PJA2: variants seen among roughly 807,000 people sequenced by gnomAD.
PJA2 encodes E3 ubiquitin-protein ligase Praja-2.
In PJA2, 25 loss-of-function variants were observed where a neutral mutation model predicts 69.3. The observed-to-expected ratio is 0.36, with a 90% CI of 0.26 to 0.50. PJA2 has a LOEUF of 0.50. Ranked by LOEUF, PJA2 falls within the 20% of genes least tolerant of loss-of-function variation. The pLI, the probability that PJA2 is intolerant of heterozygous loss-of-function variation, is 0.96. For missense variants in PJA2, 809 were observed against 830.2 expected (o/e 0.97, Z 0.31); for synonymous variants, 308 against 277.8 (o/e 1.11, Z -1.08).
At chr5:109,376,576 T>C (rs1582611363) in intron 4 of PJA2, among the ~76,000 whole-genome samples, 1 of 151,698 alleles carries the variant, frequency 6.6e-6, no homozygotes, top group South Asian at 2.1e-4. Context: ...TTGCCCAAAA[T>C]GACAAAGGTA....
At chr5:109,367,924 G>A (rs931374429) in intron 5 of PJA2, among the ~76,000 whole-genome samples, 14 of 152,104 alleles carry the variant, frequency 9.2e-5, no homozygotes, top group African/African-American at 3.1e-4. Context: ...ATAGTAAAAG[G>A]TTGGAAGACA....
At chr5:109,353,284 CATCT>C (rs1762303318) in intron 7 of PJA2, among the ~76,000 whole-genome samples, 1 of 130,290 alleles carries the variant, frequency 7.7e-6, no homozygotes, top group African/African-American at 2.7e-5. Flanking sequence ...ATATCATAGA[CATCT>C]ATATATTAGA....
chr5:109,345,583 G>A (rs1762161371), intron 7 of PJA2, among the ~76,000 whole-genome samples: 1 of 151,440 alleles, frequency 6.6e-6, no homozygotes, highest in African/African-American at 2.4e-5. Flanking sequence ...TATTTTGAAG[G>A]AGTGGTTACT....
intron 1 of PJA2, among the ~76,000 whole-genome samples, chr5:109,403,251 T>C (rs1747601693): frequency 1.3e-5 from 2 of 152,032 alleles, no homozygotes; most frequent in South Asian, 4.1e-4. Context: ...ACAAATGCCT[T>C]GAAAGACAAA....
In PJA2 at chr5:109,337,373, T is replaced by C. The variant is rs376985753; in HGVS notation, c.2002-17A>G. The C allele has an allele frequency of 6.4e-7, 1 of 1,566,978 alleles. No individual in the cohort carries two copies. ...TGTTCCCGACTGGAGAAAAAAAAAA[T>C]GTTAAGAGCCACCAGAATCATCTTA... On this transcript the variant is annotated splice_polypyrimidine_tract_variant and intron_variant, in intron 9 of 9. Coordinates refer to ENST00000361189, the MANE Select transcript of PJA2 (RefSeq NM_014819.5).
chr5:109,386,290 CA>C (rs1476576314), intron 1 of PJA2, among the ~76,000 whole-genome samples: 2 of 152,000 alleles, frequency 1.3e-5, no homozygotes, highest in Non-Finnish European at 2.9e-5. Context: ...CTGATCGTGC[CA>C]AAAGTTAAAG....
chr5:109,357,494 T>C (rs1370957722), intron 6 of PJA2, among the ~76,000 whole-genome samples: 2 of 152,218 alleles, frequency 1.3e-5, no homozygotes, highest in Non-Finnish European at 2.9e-5. Flanking sequence ...TAAGAATTAC[T>C]GAATCCATCC....
rs1035868924 is a variant in PJA2 at position 109,340,153 on chromosome 5, T to C, written c.2002-2797A>G. Among the ~76,000 whole-genome samples the C allele has an allele frequency of 2.6e-5, 4 of 152,364 alleles. No individual in the cohort carries two copies. In the East Asian group the frequency reaches 7.7e-4, roughly 29 times the overall value. On this transcript the variant is annotated intron_variant, in intron 9 of 9. Coordinates refer to ENST00000361189, the MANE Select transcript of PJA2 (RefSeq NM_014819.5). ...CCATAAGTTTTTATTTGTGATTTTG[T>C]TGTTAATAAAATAAAAACACCTCTA...
chr5:109,354,375 ATAGAT>A (rs1400423055), intron 7 of PJA2, among the ~76,000 whole-genome samples: 2 of 139,072 alleles, frequency 1.4e-5, no homozygotes, highest in Admixed American at 7.0e-5. Context: ...AGAGATATCT[ATAGAT>A]TAGATATCTC....
At chr5:109,393,797 A>G (rs1485464780) in intron 1 of PJA2, among the ~76,000 whole-genome samples, 1 of 152,236 alleles carries the variant, frequency 6.6e-6, no homozygotes, top group Admixed American at 6.5e-5. Context: ...TACCCACAAC[A>G]GGAGTATTAC....
chr5:109,357,700 T>C (rs1762435534), intron 6 of PJA2, among the ~76,000 whole-genome samples: 1 of 152,230 alleles, frequency 6.6e-6, no homozygotes, highest in Non-Finnish European at 1.5e-5. Context: ...AATACACTGC[T>C]TTCTAAGGTG....
At chr5:109,352,956 CTA>C (rs1283258841) in intron 7 of PJA2, among the ~76,000 whole-genome samples, 1 of 79,682 alleles carries the variant, frequency 1.3e-5, no homozygotes, top group Non-Finnish European at 2.6e-5. Flanking sequence ...CCTATTATAT[CTA>C]TAGACATCTA....
intron 9 of PJA2, among the ~76,000 whole-genome samples, chr5:109,338,532 C>T (rs1455454055): frequency 2.0e-5 from 3 of 147,504 alleles, no homozygotes; most frequent in East Asian, 2.0e-4. Context: ...CCCAGCTACT[C>T]GGGAGGCTGA....
chr5:109,408,416 G>C (rs1582637461), intron 1 of PJA2, among the ~76,000 whole-genome samples: 1 of 152,150 alleles, frequency 6.6e-6, no homozygotes, highest in Admixed American at 6.5e-5. Context: ...CGAGATACCA[G>C]TTAGCCTTTT....
chr5:109,347,790 T>A (rs75283639), intron 7 of PJA2, among the ~76,000 whole-genome samples: 4,640 of 152,356 alleles, frequency 0.03, 93 homozygotes, highest in Middle Eastern at 0.048. Flanking sequence ...AATCTGCTAA[T>A]CCTATATTCT....
intron 4 of PJA2, among the ~76,000 whole-genome samples, chr5:109,374,484 A>G (rs1301083446): frequency 6.6e-6 from 1 of 151,638 alleles, no homozygotes. Context: ...TCACAATAAT[A>G]AATACGTATA....
chr5:109,354,424 A>C lies in PJA2; in HGVS notation c.1764+1491T>G, dbSNP rs566502933. The stretch of plus-strand genomic sequence containing the variant: ...AGAGATATCTATAGATTAGATATCT[A>C]TGATATCTAGAGATGTCTATAGATT... On this transcript the variant is annotated intron_variant, in intron 7 of 9. Coordinates refer to ENST00000361189, the MANE Select transcript of PJA2 (RefSeq NM_014819.5). Among the ~76,000 whole-genome samples the C allele has an allele frequency of 1.5e-4, 21 of 140,528 alleles. 1 individual carries two copies. The highest frequency in any genetic ancestry group is 1.1e-3 in the East Asian group (5 of 4,600). The allele number at this position is 140,528 out of a possible 152,430, so 92.2% of individuals were successfully genotyped here.
intron 5 of PJA2, among the ~76,000 whole-genome samples, chr5:109,367,663 T>C (rs1019419210): frequency 1.3e-5 from 2 of 152,214 alleles, no homozygotes; most frequent in African/African-American, 4.8e-5. Flanking sequence ...ACAATTTGCA[T>C]CTAGGAATCT....
At chr5:109,349,837 C>T (rs1375878614) in intron 7 of PJA2, among the ~76,000 whole-genome samples, 1 of 152,072 alleles carries the variant, frequency 6.6e-6, no homozygotes. Flanking sequence ...CTTCTTTGTT[C>T]TAGTTTAGAA....
Sources: gnomAD v4.1 joint callset for allele counts (sites outside exome capture counted in the v4.1 genomes callset) on GRCh38, gnomAD v4.1.1 for gene constraint, MANE v1.5 for transcripts, NCBI Gene and HGNC (gene_info 2026-07-23, HGNC 2026-07-21) for gene names.